Variants in FBXO28 observed in about 807,000 individuals in gnomAD.
FBXO28 encodes the protein F-box only protein 28.
Under a neutral mutation model 38.1 loss-of-function variants are expected in FBXO28, and 8 were observed. The observed-to-expected ratio is 0.21, with a 90% CI of 0.12 to 0.38. FBXO28 has a LOEUF of 0.38. Among genes scored for constraint, FBXO28 ranks in the 10% least tolerant of loss-of-function variants. The probability of loss-of-function intolerance (pLI) is 1.00; values close to 1 mark genes in which losing one functional copy is unlikely to be tolerated. For missense variants in FBXO28, 345 were observed against 460.6 expected (o/e 0.75, Z 2.30); for synonymous variants, 168 against 173.8 (o/e 0.97, Z 0.26).
intron 1 of FBXO28, 86 bp downstream of exon 1, chr1:224,114,482 G>C: frequency 4.2e-6 from 5 of 1,200,202 alleles, no homozygotes; most frequent in Non-Finnish European, 3.4e-6. Flanking sequence ...CGGGAAGGGA[G>C]CCCCCCGCGA....
chr1:224,137,030 G>A (rs1657207752), intron 3 of FBXO28, among the ~76,000 whole-genome samples: 1 of 151,656 alleles, frequency 6.6e-6, no homozygotes, highest in African/African-American at 2.4e-5. Flanking sequence ...GGGATTACAG[G>A]TGTGAACCAC....
At chr1:224,137,297 G>A (rs1416462729) in intron 3 of FBXO28, among the ~76,000 whole-genome samples, 1 of 151,550 alleles carries the variant, frequency 6.6e-6, no homozygotes, top group Non-Finnish European at 1.5e-5. Context: ...GGCCAAGACG[G>A]GTAGATCACA....
chr1:224,122,555 A>G (rs10799480), intron 1 of FBXO28, among the ~76,000 whole-genome samples: 76,334 of 150,788 alleles, frequency 0.51, 20,462 homozygotes, highest in South Asian at 0.61. Flanking sequence ...AATCTAGAAC[A>G]TTGTCCCCAC....
intron 3 of FBXO28, among the ~76,000 whole-genome samples, chr1:224,152,596 AG>A (rs2102634504): frequency 6.6e-6 from 1 of 152,252 alleles, no homozygotes; most frequent in Admixed American, 6.5e-5. Flanking sequence ...GTCCCAACAT[AG>A]TACCTGATAC....
At position 224,114,140 on chromosome 1, in the gene FBXO28, C is replaced by T. The variant is rs1461494868; in HGVS notation, c.11C>T (p.Ala4Val). Residue 4 changes from alanine to valine, a missense_variant, in exon 1 of 5, where the codon GCG (alanine) becomes GTG (valine). By Grantham distance (64) the Ala-to-Val change is moderately conservative. Around this residue, in one of 6 missense-constraint regions of FBXO28, gnomAD observed 104 missense variants for 82.0 expected, o/e 1.27. Coordinates refer to ENST00000366862, the MANE Select transcript of FBXO28 (RefSeq NM_015176.4). MAA[A>V]AEERMAEEGG... ...AATCAAGCCCCCAAGATGGCGGCAG[C>T]GGCGGAGGAGCGGATGGCAGAGGAA... 14 of 1,539,970 alleles carry T rather than the reference C, an allele frequency of 9.1e-6. No homozygotes were observed. In the African/African-American group the frequency reaches 9.6e-5, roughly 11 times the overall value.
At chr1:224,154,581 G>T (rs1034285843) in intron 4 of FBXO28, among the ~76,000 whole-genome samples, 2 of 151,790 alleles carry the variant, frequency 1.3e-5, no homozygotes, top group African/African-American at 4.8e-5. Context: ...GGCCAAGGCG[G>T]GCGGATCACG....
At chr1:224,135,632 AAAAG>A (rs1208628989) in intron 3 of FBXO28, among the ~76,000 whole-genome samples, 8 of 121,050 alleles carry the variant, frequency 6.6e-5, no homozygotes, top group African/African-American at 1.1e-4. Flanking sequence ...AAAAAAAAAA[AAAAG>A]AAAAAGAAAA....
Position 224,159,673 on chromosome 1 carries a change from G to A in FBXO28, c.*1927G>A, listed in dbSNP as rs1657852920. ...AGAGGAGGCCTGGTGGAATACCCGG[G>A]GCCTCTACTAGTCTGCTTTTCCGGT... On this transcript the variant is annotated 3_prime_UTR_variant, in exon 5 of 5. Transcript: ENST00000366862. 6.6e-6 allele frequency: 1 copy of A among 151,948 alleles called. No homozygotes were observed. Among genetic ancestry groups the A allele is most frequent in the Admixed American group, 6.6e-5 (1 of 15,232 alleles). 9.4% of individuals were successfully genotyped at this position (151,948 alleles called of 1,614,324 possible).
At chr1:224,138,646 C>T (rs6688818) in intron 3 of FBXO28, among the ~76,000 whole-genome samples, 75,857 of 151,636 alleles carry the variant, frequency 0.5, 20,496 homozygotes, top group South Asian at 0.6. Context: ...GACACACAAC[C>T]GTATGTGAGC....
intron 4 of FBXO28, 69 bp downstream of exon 4, chr1:224,153,406 C>G (rs988937408): frequency 2.9e-5 from 36 of 1,227,324 alleles, no homozygotes; most frequent in Non-Finnish European, 3.9e-5. Flanking sequence ...TCCACTTAAC[C>G]AGTGTCTTGA....
At chr1:224,143,759 C>T (rs559153446) in intron 3 of FBXO28, among the ~76,000 whole-genome samples, 1 of 150,940 alleles carries the variant, frequency 6.6e-6, no homozygotes, top group South Asian at 2.1e-4. Context: ...TAGCATGAAC[C>T]CGGGAGGCGG....
chr1:224,130,650 G>C, intron 2 of FBXO28, 69 bp downstream of exon 2: 1 of 1,042,122 alleles, frequency 9.6e-7, no homozygotes, highest in Non-Finnish European at 1.5e-6. Flanking sequence ...CTTTTTTTCA[G>C]TCTCATGGTT....
At chr1:224,120,915 T>G (rs1230559788) in intron 1 of FBXO28, among the ~76,000 whole-genome samples, 1 of 150,984 alleles carries the variant, frequency 6.6e-6, no homozygotes, top group Non-Finnish European at 1.5e-5. Context: ...CATTGTAAGA[T>G]AAATGTTTTC....
rs1657896735 is a variant in FBXO28, at chr1:224,161,087, A to C, written c.*3341A>C. 6.6e-6 allele frequency: 1 copy of C among 152,172 alleles called. No individual in the cohort carries two copies. The highest frequency in any genetic ancestry group is 2.4e-5 in the African/African-American group (1 of 41,444). The allele number at this position is 152,172 out of a possible 1,614,324, so 9.4% of individuals were successfully genotyped here. On this transcript the variant is annotated 3_prime_UTR_variant, in exon 5 of 5. Coordinates refer to ENST00000366862, the MANE Select transcript of FBXO28 (RefSeq NM_015176.4). ...CCCACTTGTTCCTTATTCTTAATAA[A>C]CTTTTTCCTGAGACAGGGCACTTAA...
intron 1 of FBXO28, among the ~76,000 whole-genome samples, chr1:224,124,668 T>C (rs1199889641): frequency 6.6e-6 from 1 of 152,200 alleles, no homozygotes; most frequent in Non-Finnish European, 1.5e-5. Context: ...AGTATATTTC[T>C]TTTTTCCAGA....
chr1:224,130,806 G>T, intron 2 of FBXO28: 1 of 424,218 alleles, frequency 2.4e-6, no homozygotes, highest in Non-Finnish European at 4.3e-6. Context: ...TGAAATACAA[G>T]GCATCCAAAT....
intron 3 of FBXO28, chr1:224,134,455 TACTC>T (rs1164773609): frequency 3.0e-5 from 9 of 299,106 alleles, no homozygotes; most frequent in South Asian, 2.7e-4. Flanking sequence ...TAAGAGTTCA[TACTC>T]AAGAATAAAA....
In FBXO28 at chr1:224,157,907, TCTC is replaced by T. The variant is rs1433754175; in HGVS notation, c.*164_*166del. On this transcript the variant is annotated 3_prime_UTR_variant, in exon 5 of 5. Coordinates refer to ENST00000366862, the MANE Select transcript of FBXO28 (RefSeq NM_015176.4). ...ATGGTTGGGACATTCTTTTCCTGCT[TCTC>T]CTGATTGAACTGATGCACAGAATCT... 7.7e-6 allele frequency: 11 copies of T among 1,419,976 alleles called. No individual in the cohort carries two copies. Among genetic ancestry groups the T allele is most frequent in the Middle Eastern group, 2.6e-4 (1 of 3,876 alleles). The allele number at this position is 1,419,976 out of a possible 1,614,324, so 88.0% of individuals were successfully genotyped here.
chr1:224,151,373 C>T (rs1657643900), intron 3 of FBXO28, among the ~76,000 whole-genome samples: 1 of 152,186 alleles, frequency 6.6e-6, no homozygotes, highest in Admixed American at 6.5e-5. Flanking sequence ...ATGATGTCTT[C>T]TCAGGCTTAT....
Sources: allele counts gnomAD v4.1 joint callset (sites outside exome capture counted in the v4.1 genomes callset), GRCh38; gene constraint gnomAD v4.1.1; regional missense constraint gnomAD v4.1.1; transcripts MANE v1.5; gene names NCBI Gene and HGNC (gene_info 2026-07-23, HGNC 2026-07-21).